Variants in DPP6 observed in about 807,000 individuals in gnomAD.
The protein encoded by DPP6 is dipeptidyl peptidase like 6.
In DPP6, 69 loss-of-function variants were observed where a neutral mutation model predicts 122.6. The ratio of observed to expected loss-of-function variants is 0.56; its 90% confidence interval spans 0.46 to 0.69. The LOEUF (loss-of-function observed/expected upper bound fraction) is 0.69. Ranked by LOEUF, DPP6 falls within the 30% of genes least tolerant of loss-of-function variation. DPP6 has a pLI of 0.00. For missense variants in DPP6, 928 were observed against 1,116.9 expected (o/e 0.83, Z 2.41); for synonymous variants, 418 against 433.1 (o/e 0.97, Z 0.43).
At chr7:154,439,013 C>T (rs146981470) in intron 1 of DPP6, among the ~76,000 whole-genome samples, 9 of 152,258 alleles carry the variant, frequency 5.9e-5, no homozygotes, top group Non-Finnish European at 8.8e-5. Context: ...GCCTCTGTAC[C>T]GTGCTGGAAC....
chr7:154,058,761 C>CCT lies in DPP6; in HGVS notation c.243+5698_243+5699insCT, dbSNP rs747194176. The CCT allele has an allele frequency of 2.7e-5, 4 of 148,442 alleles. 1 individual carries two copies. The highest frequency in any genetic ancestry group is 5.1e-5 in the African/African-American group (2 of 39,588). 9.2% of individuals were successfully genotyped at this position (148,442 alleles called of 1,614,324 possible). A position where few individuals can be genotyped will look rare whatever the true frequency, so the allele number is the denominator to read the frequency against. Reference sequence around the variant, plus strand: ...CTGAGAGCCAGTCCCTCTTCCCCCCCGGCTCTGAGGAACCCCATCACAGGA... The same window carrying CCT: ...CTGAGAGCCAGTCCCTCTTCCCCCCCCTGGCTCTGAGGAACCCCATCACAGGA... On this transcript the variant is annotated intron_variant, in intron 1 of 25. Transcript: ENST00000377770.
At chr7:154,655,910 C>G (rs1317028874) in intron 6 of DPP6, among the ~76,000 whole-genome samples, 2 of 152,262 alleles carry the variant, frequency 1.3e-5, no homozygotes, top group Non-Finnish European at 1.5e-5. Flanking sequence ...CTGAGCAAGT[C>G]GCTTTGGGCC....
intron 1 of DPP6, among the ~76,000 whole-genome samples, chr7:154,016,919 G>A (rs1045954544): frequency 2.0e-5 from 3 of 152,180 alleles, no homozygotes; most frequent in Non-Finnish European, 4.4e-5. Context: ...ATGAAGGAAA[G>A]ATAATACCAA....
At chr7:154,853,691 G>C in intron 16 of DPP6, 89 bp from the exon 17 acceptor site, 1 of 1,543,236 alleles carries the variant, frequency 6.5e-7, no homozygotes, top group Non-Finnish European at 8.8e-7. Context: ...GTCTATCTAC[G>C]TGGCATAAGA....
intron 8 of DPP6, among the ~76,000 whole-genome samples, chr7:154,738,589 G>T (rs1268551597): frequency 6.6e-6 from 1 of 152,204 alleles, no homozygotes; most frequent in East Asian, 1.9e-4. Flanking sequence ...GGTGGAAGTT[G>T]GAGTGAGGCA....
the DPP6 span, among the ~76,000 whole-genome samples, chr7:153,772,331 G>A: frequency 6.6e-6 from 1 of 152,160 alleles, no homozygotes; most frequent in East Asian, 1.9e-4. Context: ...TCATCTGCCT[G>A]CCTTGGCCTT....
At chr7:154,029,547 C>CA (rs1799121524) in intron 1 of DPP6, among the ~76,000 whole-genome samples, 1 of 146,124 alleles carries the variant, frequency 6.8e-6, no homozygotes, top group Non-Finnish European at 1.5e-5. Context: ...TGCCTTATGT[C>CA]AAAAATTAGC....
At chr7:154,115,327 T>C (rs1795924873) in intron 1 of DPP6, among the ~76,000 whole-genome samples, 1 of 152,238 alleles carries the variant, frequency 6.6e-6, no homozygotes, top group Admixed American at 6.5e-5. Context: ...GTCCTACTTA[T>C]AGCCATTATG....
At position 154,079,740 on chromosome 7, in the gene DPP6, T is replaced by C. The variant is rs528726998; in HGVS notation, c.243+26677T>C. Among the ~76,000 whole-genome samples the C allele has an allele frequency of 9.1e-4, 139 of 152,172 alleles. 1 individual carries two copies. Among genetic ancestry groups the C allele is most frequent in the African/African-American group, 3.1e-3 (129 of 41,510 alleles). On this transcript the variant is annotated intron_variant, in intron 1 of 25. Transcript: ENST00000377770. ...CTGCTCTGACAATCAGAGTCTGGAC[T>C]TTGCTCCTCTGCAGGATCCCTGATG...
the DPP6 span, among the ~76,000 whole-genome samples, chr7:153,874,518 G>T: frequency 1.1e-3 from 172 of 152,238 alleles, no homozygotes; most frequent in African/African-American, 3.9e-3. Flanking sequence ...TGGGATTGCA[G>T]GTGTGTGCCA....
chr7:153,798,507 T>G, the DPP6 span, among the ~76,000 whole-genome samples: 1 of 152,266 alleles, frequency 6.6e-6, no homozygotes, highest in African/African-American at 2.4e-5. Context: ...CCCCTTCCAC[T>G]GAGGCCCTTG....
intron 1 of DPP6, among the ~76,000 whole-genome samples, chr7:154,361,850 A>T (rs187024540): frequency 1.4e-3 from 209 of 152,332 alleles, no homozygotes; most frequent in African/African-American, 4.8e-3. Context: ...GGAGTAGAAG[A>T]AGTAGTAGGT....
chr7:154,033,888 TA>T (rs1463150330), intron 1 of DPP6, among the ~76,000 whole-genome samples: 2 of 152,146 alleles, frequency 1.3e-5, no homozygotes, highest in Non-Finnish European at 2.9e-5. Context: ...TTCATTCTAG[TA>T]TCACATGGTT....
At chr7:153,784,351 A>G in the DPP6 span, among the ~76,000 whole-genome samples, 3 of 152,368 alleles carry the variant, frequency 2.0e-5, no homozygotes, top group African/African-American at 7.2e-5. Context: ...ATCACATGAT[A>G]GTTAAAATGA....
intron 8 of DPP6, among the ~76,000 whole-genome samples, chr7:154,735,696 C>G (rs1258712902): frequency 6.6e-6 from 1 of 152,238 alleles, no homozygotes; most frequent in Non-Finnish European, 1.5e-5. Context: ...GTTCAGTTGG[C>G]TCTGACCAGA....
At chr7:153,871,086 A>T in the DPP6 span, among the ~76,000 whole-genome samples, 2 of 152,152 alleles carry the variant, frequency 1.3e-5, no homozygotes, top group Admixed American at 1.3e-4. Context: ...CAGTTAGGCT[A>T]TTCGGGGGTC....
intron 8 of DPP6, among the ~76,000 whole-genome samples, chr7:154,735,337 C>T (rs1278089299): frequency 6.6e-6 from 1 of 152,160 alleles, no homozygotes; most frequent in Non-Finnish European, 1.5e-5. Context: ...CTCATGATCT[C>T]TTACAGAAAT....
chr7:154,215,308 G>A lies in DPP6; in HGVS notation c.243+162245G>A, dbSNP rs185692534. 1.7e-4 allele frequency among the ~76,000 whole-genome samples: 26 copies of A among 152,192 alleles called. No homozygotes were observed. The South Asian group carries it at 2.3e-3, about 13-fold the overall frequency. On this transcript the variant is annotated intron_variant, in intron 1 of 25. Coordinates refer to ENST00000377770, the MANE Select transcript of DPP6 (RefSeq NM_130797.4). ...GAACAGCATATGGGAAACCTCCCCC[G>A]TAATACAGTCACCTCCCACCAGGTC...
At chr7:153,754,461 T>C in the DPP6 span, among the ~76,000 whole-genome samples, 1 of 152,194 alleles carries the variant, frequency 6.6e-6, no homozygotes, top group Non-Finnish European at 1.5e-5. Context: ...ATTATTTTTC[T>C]TTGTCTGCAT....
Sources: gnomAD v4.1 joint callset for allele counts (sites outside exome capture counted in the v4.1 genomes callset) on GRCh38, gnomAD v4.1.1 for gene constraint, MANE v1.5 for transcripts, NCBI Gene and HGNC (gene_info 2026-07-23, HGNC 2026-07-21) for gene names.